Variants in SH2B2 observed in about 807,000 individuals in gnomAD.
The protein encoded by SH2B2 is SH2B adapter protein 2.
A neutral mutation model predicts 35.7 loss-of-function variants in SH2B2; 37 were observed. The observed-to-expected ratio is 1.04, with a 90% CI of 0.80 to 1.36. The LOEUF is 1.36. Ranked by LOEUF, SH2B2 falls within the 40% of genes most tolerant of loss-of-function variation. SH2B2 has a pLI of 0.00. For missense variants in SH2B2, 852 were observed against 817.7 expected, an observed-to-expected ratio of 1.04 and a Z score of -0.51; for synonymous variants, 383 against 376.4, an observed-to-expected ratio of 1.02 and a Z score of -0.20.
chr7:102,304,730 G>C (rs565736516), intron 2 of SH2B2, among the ~76,000 whole-genome samples: 1 of 152,370 alleles, frequency 6.6e-6, no homozygotes, highest in South Asian at 2.1e-4. Flanking sequence ...GAAGCTTCCA[G>C]TCCAGGCCTC....
At chr7:102,307,477 C>G (rs1554555110) in intron 3 of SH2B2, among the ~76,000 whole-genome samples, 1 of 152,176 alleles carries the variant, frequency 6.6e-6, no homozygotes, top group African/African-American at 2.4e-5. Flanking sequence ...CTTCTCCCAG[C>G]TTCTGGTTGT....
intron 2 of SH2B2, among the ~76,000 whole-genome samples, chr7:102,305,151 A>G (rs1277127264): frequency 6.6e-6 from 1 of 152,230 alleles, no homozygotes; most frequent in Non-Finnish European, 1.5e-5. Flanking sequence ...CCCCGTTCTG[A>G]GTCGGGGGCT....
intron 4 of SH2B2, 93 bp downstream of exon 4, chr7:102,308,999 C>A: frequency 1.0e-6 from 1 of 996,952 alleles, no homozygotes; most frequent in Non-Finnish European, 1.6e-6. Flanking sequence ...AGGGCGGGAG[C>A]TCAGCTTGAG....
At chr7:102,321,004 T>C (rs1794041187) in intron 8 of SH2B2, among the ~76,000 whole-genome samples, 1 of 152,128 alleles carries the variant, frequency 6.6e-6, no homozygotes, top group Non-Finnish European at 1.5e-5. Flanking sequence ...TGTGCATGCG[T>C]GCATGGGCAC....
intron 1 of SH2B2, 71 bp from the exon 2 acceptor site, chr7:102,300,451 C>G (rs1793100332): frequency 6.9e-7 from 1 of 1,454,322 alleles, no homozygotes; most frequent in African/African-American, 1.4e-5. Context: ...CCTAGGGGAG[C>G]TGGAAGGAGG....
At chr7:102,309,694 G>T (rs1317235024) in intron 4 of SH2B2, 1 of 168,154 alleles carries the variant, frequency 5.9e-6, no homozygotes, top group African/African-American at 2.4e-5. Flanking sequence ...AAAATAGAGA[G>T]AGCTGGAGAG....
Position 102,300,518 on chromosome 7 carries a change from G to A in SH2B2, c.-29-4G>A, listed in dbSNP as rs561758384. ...AAGTCACTGCGCGCTCTTCTCGCCC[G>A]AAGCCGCAGGTGGCTGCGATGGGAC... On this transcript the variant is annotated splice_polypyrimidine_tract_variant and splice_region_variant and intron_variant, in intron 1 of 8. Coordinates refer to ENST00000444095, the MANE Select transcript of SH2B2 (RefSeq NM_001359228.2). 21 of 1,529,010 alleles carry A rather than the reference G, an allele frequency of 1.4e-5. No homozygotes were observed. The African/African-American group carries it at 2.5e-4, about 18-fold the overall frequency. The allele number at this position is 1,529,010 out of a possible 1,614,324, so 94.7% of individuals were successfully genotyped here. A position where few individuals can be genotyped will look rare whatever the true frequency, so the allele number is the denominator to read the frequency against.
intron 1 of SH2B2, among the ~76,000 whole-genome samples, chr7:102,295,566 C>T (rs555685472): frequency 6.6e-6 from 1 of 152,288 alleles, no homozygotes; most frequent in East Asian, 1.9e-4. Flanking sequence ...TGGACTTTTG[C>T]CCTGCGCACT....
chr7:102,301,163 G>T lies in SH2B2; in HGVS notation c.613G>T (p.Ala205Ser). The T allele has an allele frequency of 6.4e-7, 1 of 1,568,430 alleles. No individual in the cohort carries two copies. The highest frequency in any genetic ancestry group is 8.6e-7 in the Non-Finnish European group (1 of 1,160,570). Reference sequence around the variant, plus strand: ...CGAGGGGGCGCTGCGCTTCATGGTGGCCGACGACGCGGCCGCGGGCTCCGG... The same window carrying T: ...CGAGGGGGCGCTGCGCTTCATGGTGTCCGACGACGCGGCCGCGGGCTCCGG... ...QREGALRFMV[A>S]DDAAAGSGGS... The change falls in exon 2 of 9, where the codon GCC (alanine) becomes TCC (serine). Residue 205 changes from alanine to serine, a missense_variant. Ala to Ser is a moderately conservative substitution (Grantham distance 99, BLOSUM62 1). Around this residue, in one of 3 missense-constraint regions of SH2B2, gnomAD observed 556 missense variants for 514.5 expected, o/e 1.08. Coordinates refer to ENST00000444095, the MANE Select transcript of SH2B2 (RefSeq NM_001359228.2).
At chr7:102,309,090 G>A (rs1554555451) in intron 4 of SH2B2, 184 bp downstream of exon 4, 1 of 690,506 alleles carries the variant, frequency 1.4e-6, no homozygotes, top group East Asian at 2.8e-5. Context: ...CCAATCGCCA[G>A]CAGACTCTGT....
intron 1 of SH2B2, among the ~76,000 whole-genome samples, chr7:102,294,831 A>G (rs990462838): frequency 3.3e-5 from 5 of 152,110 alleles, no homozygotes; most frequent in African/African-American, 7.2e-5. Context: ...CTAGCTGCTC[A>G]ACCTGCTTCC....
At chr7:102,313,859 C>T (rs909965536) in intron 4 of SH2B2, among the ~76,000 whole-genome samples, 33 of 150,496 alleles carry the variant, frequency 2.2e-4, no homozygotes, top group African/African-American at 7.6e-4. Context: ...CAAAGTGAGC[C>T]GAGATCGCGC....
intron 2 of SH2B2, among the ~76,000 whole-genome samples, chr7:102,305,269 TTTATTTTA>T (rs1229567287): frequency 6.7e-6 from 1 of 149,816 alleles, no homozygotes; most frequent in African/African-American, 2.5e-5. Context: ...TTTATTTTAT[TTTATTTTA>T]TATTTTGAGA....
intron 1 of SH2B2, among the ~76,000 whole-genome samples, chr7:102,289,718 C>T (rs1213684267): frequency 6.6e-6 from 1 of 151,196 alleles, no homozygotes; most frequent in African/African-American, 2.4e-5. Context: ...TGGTGAGGGG[C>T]ACTAAGGGGG....
chr7:102,314,608 T>A lies in SH2B2; in HGVS notation c.1112T>A (p.Ile371Asn). ...CGAGATGCCGTCAGAGAATCCCTGA[T>A]CCACGTCCCGCTAGAGACCTTTCTG... ...RGRDAVRESL[I>N]HVPLETFLQT... Residue 371 changes from isoleucine (I) to asparagine (N), a missense_variant, in exon 6 of 9, where the codon ATC becomes AAC. Ile to Asn is a moderately radical substitution (Grantham distance 149). Coordinates refer to ENST00000444095, the MANE Select transcript of SH2B2 (RefSeq NM_001359228.2). 2.5e-6 allele frequency: 1 copy of A among 398,422 alleles called. No homozygotes were observed. The highest frequency in any genetic ancestry group is 4.4e-5 in the Admixed American group (1 of 22,700). 24.7% of individuals were successfully genotyped at this position (398,422 alleles called of 1,614,324 possible).
At chr7:102,318,104 A>G (rs1725606) in intron 7 of SH2B2, among the ~76,000 whole-genome samples, 55,825 of 151,966 alleles carry the variant, frequency 0.37, 10,893 homozygotes, top group African/African-American at 0.49. Context: ...TTCAAGGAAG[A>G]GGATTCCTTG....
intron 4 of SH2B2, among the ~76,000 whole-genome samples, chr7:102,311,192 T>C (rs1793606718): frequency 6.6e-6 from 1 of 152,072 alleles, no homozygotes; most frequent in Non-Finnish European, 1.5e-5. Context: ...TGGGCTCGAC[T>C]GATCTGCCTG....
At chr7:102,303,931 C>A (rs1001273213) in intron 2 of SH2B2, among the ~76,000 whole-genome samples, 39 of 152,118 alleles carry the variant, frequency 2.6e-4, no homozygotes, top group African/African-American at 9.2e-4. Flanking sequence ...CAGAGGGCAG[C>A]GTTCCTGCAG....
upstream of SH2B2, chr7:102,285,146 T>TTCC (rs1554550620): frequency 6.5e-7 from 1 of 1,542,242 alleles, no homozygotes; most frequent in Non-Finnish European, 8.8e-7. Flanking sequence ...TCCTCACTTC[T>TTCC]TCCTCCCTGG....
Sources: allele counts gnomAD v4.1 joint callset (sites outside exome capture counted in the v4.1 genomes callset), GRCh38; gene constraint gnomAD v4.1.1; regional missense constraint gnomAD v4.1.1; transcripts MANE v1.5; gene names NCBI Gene and HGNC (gene_info 2026-07-23, HGNC 2026-07-21).